Variants in PDGFRA observed in about 807,000 individuals in gnomAD.
PDGFRA encodes platelet-derived growth factor receptor alpha.
PDGFRA carries 25 observed loss-of-function variants against 121.5 expected under a neutral mutation model. The observed-to-expected ratio is 0.21, with a 90% CI of 0.15 to 0.29. PDGFRA has a LOEUF of 0.29. Among genes scored for constraint, PDGFRA ranks in the 10% least tolerant of loss-of-function variants. The probability of loss-of-function intolerance (pLI) is 1.00; values close to 1 mark genes in which losing one functional copy is unlikely to be tolerated. For synonymous variants in PDGFRA, 463 were observed against 494.8 expected, an observed-to-expected ratio of 0.94 and a Z score of 0.85; for missense variants, 1,008 against 1,345.1, an observed-to-expected ratio of 0.75 and a Z score of 3.92.
chr4:54,294,052 G>A (rs1399121388), intron 22 of PDGFRA, among the ~76,000 whole-genome samples: 2 of 151,924 alleles, frequency 1.3e-5, no homozygotes, highest in African/African-American at 2.4e-5. Flanking sequence ...GTATGGACTG[G>A]GTAATTTTGA....
chr4:54,251,806 C>CT (rs1277675718), intron 1 of PDGFRA, among the ~76,000 whole-genome samples: 2 of 152,180 alleles, frequency 1.3e-5, no homozygotes, highest in Non-Finnish European at 2.9e-5. Context: ...TGGCTCAAGG[C>CT]TTTAAGAAGC....
intron 1 of PDGFRA, among the ~76,000 whole-genome samples, chr4:54,237,527 A>G (rs1721081280): frequency 6.6e-6 from 1 of 152,190 alleles, no homozygotes; most frequent in African/African-American, 2.4e-5. Flanking sequence ...CCTTGTTTGA[A>G]GTTTGCTGAG....
At chr4:54,241,984 T>G (rs888311367) in intron 1 of PDGFRA, among the ~76,000 whole-genome samples, 1 of 152,244 alleles carries the variant, frequency 6.6e-6, no homozygotes, top group Admixed American at 6.5e-5. Context: ...CTGTTTCCTT[T>G]GAAGGCCTCT....
At position 54,285,408 on chromosome 4, in the gene PDGFRA, A is replaced by G. The variant is rs768572878; in HGVS notation, c.2361A>G (p.Ser787=). 3.2e-6 allele frequency: 5 copies of G among 1,560,540 alleles called. No homozygotes were observed. In the East Asian group the frequency reaches 1.1e-4, roughly 35 times the overall value. ...EVKNLLSDDN[S]EGLTLLDLLS... ...AAAACCTCCTTTCAGATGATAACTC[A>G]GAAGGCCTTACTTTATTGGATTTGT... Residue 787 remains serine, a synonymous_variant, in exon 17 of 23, where the codon TCA becomes TCG. Coordinates refer to ENST00000257290, the MANE Select transcript of PDGFRA (RefSeq NM_006206.6).
intron 1 of PDGFRA, among the ~76,000 whole-genome samples, chr4:54,233,063 C>G (rs537318222): frequency 1.1e-4 from 16 of 152,268 alleles, no homozygotes; most frequent in South Asian, 6.2e-4. Flanking sequence ...CGCTCTCCCC[C>G]CTCTCTCCAC....
At position 54,258,814 on chromosome 4, in the gene PDGFRA, A is replaced by G. The variant is rs587778596; in HGVS notation, c.46A>G (p.Thr16Ala). ...PAFLVLGCLL[T>A]GLSLILCQLS... ...GTTCCTGGTCTTAGGCTGTCTTCTCACAGGTACGGAGCCCAGTCCTCTCTG... is the reference window on the plus strand; with the variant it reads ...GTTCCTGGTCTTAGGCTGTCTTCTCGCAGGTACGGAGCCCAGTCCTCTCTG... Residue 16 changes from threonine (T) to alanine (A), a missense_variant, in exon 2 of 23, where the codon ACA (threonine) becomes GCA (alanine). Transcript: ENST00000257290. 6.2e-7 allele frequency: 1 copy of G among 1,613,200 alleles called. No homozygotes were observed. The highest frequency in any genetic ancestry group is 1.7e-5 in the Admixed American group (1 of 59,994).
chr4:54,257,682 C>T (rs1399201727), intron 1 of PDGFRA, among the ~76,000 whole-genome samples: 1 of 152,158 alleles, frequency 6.6e-6, no homozygotes, highest in Non-Finnish European at 1.5e-5. Context: ...TTCTCACTGA[C>T]TTCACCAGTG....
chr4:54,272,640 AG>A, intron 9 of PDGFRA, 120 bp downstream of exon 9: 1 of 1,085,550 alleles, frequency 9.2e-7, no homozygotes, highest in Non-Finnish European at 1.4e-6. Flanking sequence ...TGATAGCTTC[AG>A]GGTGTGTATC....
At chr4:54,230,942 C>A (rs1327560902) in intron 1 of PDGFRA, among the ~76,000 whole-genome samples, 2 of 152,208 alleles carry the variant, frequency 1.3e-5, no homozygotes, top group African/African-American at 4.8e-5. Flanking sequence ...GGGAGGGTGT[C>A]GGCCAGGTCG....
intron 12 of PDGFRA, 198 bp from the exon 13 acceptor site, chr4:54,277,189 CG>C: frequency 1.6e-6 from 1 of 627,506 alleles, no homozygotes; most frequent in Non-Finnish European, 2.9e-6. Context: ...AAGTGTTATT[CG>C]ACAAAAGCAA....
chr4:54,287,568 T>G, intron 19 of PDGFRA, 27 bp downstream of exon 19: 1 of 898,362 alleles, frequency 1.1e-6, no homozygotes, highest in South Asian at 1.3e-5. Flanking sequence ...GCTGCTTATT[T>G]GGGCTGTTCT....
At chr4:54,255,606 C>T (rs1447185458) in intron 1 of PDGFRA, among the ~76,000 whole-genome samples, 3 of 151,042 alleles carry the variant, frequency 2.0e-5, no homozygotes, top group East Asian at 3.9e-4. Context: ...CCTGGGTTCA[C>T]GCCATTCTCC....
In PDGFRA at chr4:54,297,440, C is replaced by T. The variant is rs1365559870; in HGVS notation, c.*2168C>T. 4.3e-6 allele frequency: 1 copy of T among 233,556 alleles called. No homozygotes were observed. The highest frequency in any genetic ancestry group is 8.5e-6 in the Non-Finnish European group (1 of 118,064). The allele number at this position is 233,556 out of a possible 1,614,324, so 14.5% of individuals were successfully genotyped here. A position where few individuals can be genotyped will look rare whatever the true frequency, so the allele number is the denominator to read the frequency against. On this transcript the variant is annotated 3_prime_UTR_variant, in exon 23 of 23. Transcript: ENST00000257290. ...AAAACCTGACTAGGTTCTGTAGAGC[C>T]AATTAGACTTGAAATACGTTTGTGT...
chr4:54,284,257 C>T (rs1410279749), intron 16 of PDGFRA, among the ~76,000 whole-genome samples: 2 of 152,152 alleles, frequency 1.3e-5, no homozygotes, highest in Non-Finnish European at 2.9e-5. Flanking sequence ...CCAAACTTTC[C>T]TTCATCTTCC....
chr4:54,286,568 A>G (rs185467172), intron 18 of PDGFRA, among the ~76,000 whole-genome samples: 79 of 151,842 alleles, frequency 5.2e-4, no homozygotes, highest in Non-Finnish European at 9.0e-4. Context: ...TGTTGCCCAG[A>G]CTGGTCTCGA....
chr4:54,271,500 C>T (rs1723351207), intron 8 of PDGFRA, among the ~76,000 whole-genome samples: 1 of 152,150 alleles, frequency 6.6e-6, no homozygotes, highest in Admixed American at 6.5e-5. Flanking sequence ...TTTTAAGAAC[C>T]TCCTTGCCTT....
chr4:54,239,724 C>T (rs1420087720), intron 1 of PDGFRA, among the ~76,000 whole-genome samples: 1 of 152,230 alleles, frequency 6.6e-6, no homozygotes, highest in East Asian at 1.9e-4. Flanking sequence ...TAGCAGCCTC[C>T]TGTTGTCTGG....
intron 1 of PDGFRA, among the ~76,000 whole-genome samples, chr4:54,237,745 C>G (rs1328869293): frequency 6.6e-6 from 1 of 152,196 alleles, no homozygotes; most frequent in African/African-American, 2.4e-5. Context: ...GGGTTCACAG[C>G]ACTGTAATTG....
chr4:54,246,564 G>A (rs1376540164), intron 1 of PDGFRA, among the ~76,000 whole-genome samples: 2 of 152,082 alleles, frequency 1.3e-5, no homozygotes, highest in African/African-American at 2.4e-5. Context: ...CACATTCAAA[G>A]CAGTGTGTAG....
Sources: gnomAD v4.1 joint callset for allele counts (sites outside exome capture counted in the v4.1 genomes callset) on GRCh38, gnomAD v4.1.1 for gene constraint, MANE v1.5 for transcripts, NCBI Gene and HGNC (gene_info 2026-07-23, HGNC 2026-07-21) for gene names.